The following CSMD1 variants were observed in gnomAD, a reference collection of about 807,000 sequenced individuals.
CSMD1 encodes the protein CUB and sushi domain-containing protein 1.
Under a neutral mutation model 417.5 loss-of-function variants are expected in CSMD1, and 213 were observed. The ratio of observed to expected loss-of-function variants is 0.51; its 90% confidence interval spans 0.46 to 0.57. The LOEUF is 0.57. Ranked by LOEUF, CSMD1 falls within the 20% of genes least tolerant of loss-of-function variation. The pLI, the probability that CSMD1 is intolerant of heterozygous loss-of-function variation, is 0.00. For missense variants in CSMD1, 6,923 were observed against 4,529.7 expected (o/e 1.53, Z -15.17); for synonymous variants, 2,862 against 1,736.8 (o/e 1.65, Z -16.11).
chr8:3,256,644 G>A (rs1800677506), intron 26 of CSMD1, among the ~76,000 whole-genome samples: 1 of 152,162 alleles, frequency 6.6e-6, no homozygotes, highest in Non-Finnish European at 1.5e-5. Flanking sequence ...CAACATGTGT[G>A]CCTTGCAAGA....
rs1434913778 is a variant in CSMD1, at chr8:3,754,995, A to G, written c.819-953T>C. On this transcript the variant is annotated intron_variant, in intron 5 of 69. Coordinates refer to ENST00000635120, the MANE Select transcript of CSMD1 (RefSeq NM_033225.6). The stretch of plus-strand genomic sequence containing the variant: ...TCATTTTAAAAATAAGATGCAATCA[A>G]TTTCTGGTTAAGCTGTTTAAAATAT... Among the ~76,000 whole-genome samples the G allele has an allele frequency of 3.3e-5, 5 of 152,200 alleles. No individual in the cohort carries two copies. The East Asian group carries it at 5.8e-4, about 18-fold the overall frequency.
At chr8:4,330,638 T>C (rs1297184045) in intron 3 of CSMD1, among the ~76,000 whole-genome samples, 1 of 152,126 alleles carries the variant, frequency 6.6e-6, no homozygotes, top group Admixed American at 6.6e-5. Context: ...AATCATATTT[T>C]ATTTGTTTTC....
At chr8:4,282,470 T>C (rs1796841777) in intron 3 of CSMD1, among the ~76,000 whole-genome samples, 2 of 152,200 alleles carry the variant, frequency 1.3e-5, no homozygotes, top group Admixed American at 1.3e-4. Flanking sequence ...GTGCCATTTT[T>C]GCTTATTTAA....
chr8:4,832,572 G>C (rs1481200839), intron 1 of CSMD1, among the ~76,000 whole-genome samples: 1 of 152,176 alleles, frequency 6.6e-6, no homozygotes, highest in Non-Finnish European at 1.5e-5. Flanking sequence ...ATGATTGGTT[G>C]TCTGCTTGTG....
intron 2 of CSMD1, among the ~76,000 whole-genome samples, chr8:4,513,082 T>C (rs923858452): frequency 6.6e-6 from 1 of 152,200 alleles, no homozygotes; most frequent in Non-Finnish European, 1.5e-5. Context: ...ATACATGTTA[T>C]TGAACTTTTG....
At chr8:3,213,992 C>T (rs7832545) in intron 30 of CSMD1, among the ~76,000 whole-genome samples, 8,426 of 151,842 alleles carry the variant, frequency 0.055, 297 homozygotes, top group East Asian at 0.13. Context: ...ATCACAGGCA[C>T]GCACCACCAC....
chr8:4,520,211 A>G (rs1296752219), intron 2 of CSMD1, among the ~76,000 whole-genome samples: 2 of 152,262 alleles, frequency 1.3e-5, no homozygotes, highest in Middle Eastern at 3.4e-3. Context: ...TGGCAGAAAG[A>G]TTCTTGTCCT....
At chr8:4,444,643 A>T (rs775684625) in intron 2 of CSMD1, among the ~76,000 whole-genome samples, 5 of 152,190 alleles carry the variant, frequency 3.3e-5, no homozygotes, top group Admixed American at 2.0e-4. Context: ...GGTTATTATC[A>T]TTCAGGGCAT....
At chr8:3,605,237 G>A (rs546539619) in intron 8 of CSMD1, among the ~76,000 whole-genome samples, 6 of 152,238 alleles carry the variant, frequency 3.9e-5, no homozygotes, top group African/African-American at 9.6e-5. Context: ...TGATCCACCC[G>A]CCTCGGCCTC....
At chr8:4,284,735 A>G (rs1478648432) in intron 3 of CSMD1, among the ~76,000 whole-genome samples, 4 of 152,260 alleles carry the variant, frequency 2.6e-5, no homozygotes, top group East Asian at 3.9e-4. Flanking sequence ...GGGTAACTCC[A>G]TGTGTCAGAT....
chr8:4,706,747 G>C (rs1278965865), intron 1 of CSMD1, among the ~76,000 whole-genome samples: 1 of 152,214 alleles, frequency 6.6e-6, no homozygotes, highest in African/African-American at 2.4e-5. Context: ...CAGAGGGTCA[G>C]AGAGAAGGGC....
intron 3 of CSMD1, among the ~76,000 whole-genome samples, chr8:4,053,161 T>C (rs1798520562): frequency 2.0e-5 from 3 of 152,190 alleles, no homozygotes; most frequent in Non-Finnish European, 2.9e-5. Context: ...TAGTGAAATC[T>C]GAACTACAGG....
intron 3 of CSMD1, among the ~76,000 whole-genome samples, chr8:4,131,563 T>C (rs536692664): frequency 1.3e-5 from 2 of 152,296 alleles, no homozygotes; most frequent in Non-Finnish European, 2.9e-5. Flanking sequence ...AAAATATTTT[T>C]CTCATATATT....
At chr8:3,964,515 G>A (rs1252238686) in intron 5 of CSMD1, among the ~76,000 whole-genome samples, 1 of 152,104 alleles carries the variant, frequency 6.6e-6, no homozygotes, top group African/African-American at 2.4e-5. Context: ...CATACTCCAA[G>A]CTCTCATAGG....
chr8:4,771,498 C>T (rs914810763), intron 1 of CSMD1, among the ~76,000 whole-genome samples: 1 of 152,194 alleles, frequency 6.6e-6, no homozygotes, highest in Non-Finnish European at 1.5e-5. Flanking sequence ...CGCAGTTATG[C>T]TGCATTACTG....
chr8:3,992,288 T>C (rs552014522), intron 5 of CSMD1, among the ~76,000 whole-genome samples: 4 of 152,266 alleles, frequency 2.6e-5, no homozygotes, highest in South Asian at 4.1e-4. Flanking sequence ...CTTGACCCTT[T>C]TGCCTACCTG....
chr8:3,709,451 C>A (rs773884065), intron 6 of CSMD1, among the ~76,000 whole-genome samples: 12 of 152,072 alleles, frequency 7.9e-5, no homozygotes, highest in African/African-American at 2.9e-4. Context: ...AACCTGACTG[C>A]ACCACAAGGT....
chr8:3,753,885 T>C lies in CSMD1; in HGVS notation c.931+45A>G, dbSNP rs771432662. 4.4e-6 allele frequency: 6 copies of C among 1,360,508 alleles called. No individual in the cohort carries two copies. The East Asian group carries it at 1.2e-4, about 26-fold the overall frequency. The allele number at this position is 1,360,508 out of a possible 1,614,324, so 84.3% of individuals were successfully genotyped here. A position where few individuals can be genotyped will look rare whatever the true frequency, so the allele number is the denominator to read the frequency against. On this transcript the variant is annotated intron_variant, in intron 6 of 69. Coordinates refer to ENST00000635120, the MANE Select transcript of CSMD1 (RefSeq NM_033225.6). ...CATGGCTAGAAAGGATCAAAATATA[T>C]TACGCTCTGTTTTTTTTTTTTCTTA... is the stretch of plus-strand genomic sequence containing the variant.
chr8:4,743,559 C>T (rs1330173822), intron 1 of CSMD1, among the ~76,000 whole-genome samples: 1 of 152,142 alleles, frequency 6.6e-6, no homozygotes, highest in African/African-American at 2.4e-5. Context: ...CGTCATTAAC[C>T]ACAGAGAGTG....
Sources: gnomAD v4.1 joint callset for allele counts (sites outside exome capture counted in the v4.1 genomes callset) on GRCh38, gnomAD v4.1.1 for gene constraint, MANE v1.5 for transcripts, NCBI Gene and HGNC (gene_info 2026-07-23, HGNC 2026-07-21) for gene names.